Variants in ENTREP1 observed in about 807,000 individuals in gnomAD.
ENTREP1 encodes Friedreich ataxia region gene X123.
At chr9:69,340,666 C>CATGTGTGTGTGTGTGT in the ENTREP1 span, among the ~76,000 whole-genome samples, 1 of 108,648 alleles carries the variant, frequency 9.2e-6, no homozygotes, top group Non-Finnish European at 1.8e-5. Flanking sequence ...TGTGTGTGTG[C>CATGTGTGTGTGTGTGT]GTGTGTGTGT....
the ENTREP1 span, among the ~76,000 whole-genome samples, chr9:69,389,951 A>G: frequency 1.3e-5 from 2 of 152,210 alleles, no homozygotes; most frequent in African/African-American, 4.8e-5. Context: ...GAGCTTTCAC[A>G]ATTCTATACC....
chr9:69,346,531 C>CT, the ENTREP1 span, among the ~76,000 whole-genome samples: 2 of 152,030 alleles, frequency 1.3e-5, no homozygotes, highest in Non-Finnish European at 2.9e-5. Context: ...GAAATTATGA[C>CT]TTTTTTTACT....
the ENTREP1 span, chr9:69,324,809 C>G: frequency 1.0e-6 from 1 of 985,256 alleles, no homozygotes; most frequent in Non-Finnish European, 1.2e-6. Context: ...GGGCCTCTCT[C>G]GTGGCTGGAC....
the ENTREP1 span, among the ~76,000 whole-genome samples, chr9:69,361,071 T>C: frequency 1.3e-5 from 2 of 150,140 alleles, no homozygotes; most frequent in Non-Finnish European, 3.0e-5. Context: ...GAGATTTTCT[T>C]CTGGGTCCAA....
the ENTREP1 span, among the ~76,000 whole-genome samples, chr9:69,333,370 T>C: frequency 6.6e-6 from 1 of 151,900 alleles, no homozygotes; most frequent in Non-Finnish European, 1.5e-5. Flanking sequence ...AGTGGTGTGA[T>C]CTTGGCTCAC....
chr9:69,331,084 T>C, the ENTREP1 span, among the ~76,000 whole-genome samples: 1 of 152,054 alleles, frequency 6.6e-6, no homozygotes, highest in Non-Finnish European at 1.5e-5. Flanking sequence ...AGGGAAGAAA[T>C]ACACACACAT....
the ENTREP1 span, chr9:69,336,249 A>G: frequency 2.5e-6 from 4 of 1,587,350 alleles, no homozygotes; most frequent in African/African-American, 5.4e-5. Flanking sequence ...AACAACTTGG[A>G]AAAGGCCTAT....
chr9:69,348,935 G>T, the ENTREP1 span, among the ~76,000 whole-genome samples: 1 of 152,080 alleles, frequency 6.6e-6, no homozygotes, highest in Non-Finnish European at 1.5e-5. Flanking sequence ...TGTAATCCTA[G>T]CACTTTGGGA....
the ENTREP1 span, among the ~76,000 whole-genome samples, chr9:69,351,081 C>T: frequency 2.6e-5 from 4 of 152,126 alleles, no homozygotes; most frequent in Non-Finnish European, 5.9e-5. Flanking sequence ...TTAATGTACT[C>T]CAAAGCCATG....
At chr9:69,377,386 T>G in the ENTREP1 span, 8 of 1,613,044 alleles carry the variant, frequency 5.0e-6, no homozygotes, top group Non-Finnish European at 5.1e-6. Flanking sequence ...CTCTTTGCCC[T>G]GTGTGCCTTG....
chr9:69,377,896 T>G, the ENTREP1 span: 1 of 749,064 alleles, frequency 1.3e-6, no homozygotes, highest in South Asian at 2.2e-5. Context: ...GCCCAATGAG[T>G]GACAAAATCA....
At chr9:69,370,270 T>C in the ENTREP1 span, among the ~76,000 whole-genome samples, 2 of 152,218 alleles carry the variant, frequency 1.3e-5, no homozygotes, top group Admixed American at 1.3e-4. Flanking sequence ...ATTACAGATA[T>C]ATTAGATCTC....
At chr9:69,354,607 A>G in the ENTREP1 span, among the ~76,000 whole-genome samples, 1 of 152,206 alleles carries the variant, frequency 6.6e-6, no homozygotes, top group African/African-American at 2.4e-5. Context: ...CCACTGAGTT[A>G]CATTGCATCC....
the ENTREP1 span, among the ~76,000 whole-genome samples, chr9:69,347,029 C>T: frequency 2.0e-5 from 3 of 152,194 alleles, no homozygotes; most frequent in South Asian, 2.1e-4. Flanking sequence ...TTCTAAAGGA[C>T]GGATTGGAGC....
chr9:69,372,700 C>T, the ENTREP1 span, among the ~76,000 whole-genome samples: 1 of 152,234 alleles, frequency 6.6e-6, no homozygotes, highest in Non-Finnish European at 1.5e-5. Context: ...GGATATATAA[C>T]CAGAAGTGAT....
At chr9:69,385,580 A>G in the ENTREP1 span, among the ~76,000 whole-genome samples, 1 of 151,982 alleles carries the variant, frequency 6.6e-6, no homozygotes, top group East Asian at 1.9e-4. Context: ...TGTTTGTTTT[A>G]GGTGTGGAGG....
the ENTREP1 span, among the ~76,000 whole-genome samples, chr9:69,363,062 A>C: frequency 1.3e-5 from 2 of 151,824 alleles, no homozygotes; most frequent in East Asian, 3.9e-4. Flanking sequence ...TGCCTATGAG[A>C]GCACTAGCTC....
At chr9:69,326,577 T>TC in the ENTREP1 span, among the ~76,000 whole-genome samples, 3 of 151,922 alleles carry the variant, frequency 2.0e-5, no homozygotes, top group Non-Finnish European at 4.4e-5. Context: ...GGGTGGCCAC[T>TC]CCCCCCTGCC....
At chr9:69,326,843 C>A in the ENTREP1 span, among the ~76,000 whole-genome samples, 345 of 151,490 alleles carry the variant, frequency 2.3e-3, no homozygotes, top group African/African-American at 8.0e-3. Context: ...GGATTAGAGG[C>A]ATGAGCCACC....
Sources: gnomAD v4.1 joint callset for allele counts (sites outside exome capture counted in the v4.1 genomes callset) on GRCh38, gnomAD v4.1.1 for gene constraint, MANE v1.5 for transcripts, NCBI Gene and HGNC (gene_info 2026-07-23, HGNC 2026-07-21) for gene names.